Variants in VPS13B observed in about 807,000 individuals in gnomAD.
The protein encoded by VPS13B is vacuolar protein sorting 13 homolog B.
In VPS13B, 285 loss-of-function variants were observed where a neutral mutation model predicts 426.4. The ratio of observed to expected loss-of-function variants is 0.67; its 90% CI spans 0.61 to 0.74. The LOEUF is 0.74. Among genes scored for constraint, VPS13B ranks in the 30% least tolerant of loss-of-function variants. VPS13B has a pLI of 0.00. For synonymous variants in VPS13B, 1,676 were observed against 1,676.4 expected (o/e 1.00, Z 0.01); for missense variants, 4,537 against 4,782.6 (o/e 0.95, Z 1.51).
At chr8:99,372,067 C>T (rs915041021) in intron 19 of VPS13B, among the ~76,000 whole-genome samples, 5 of 151,786 alleles carry the variant, frequency 3.3e-5, no homozygotes, top group East Asian at 1.9e-4. Flanking sequence ...CTGGCTAACA[C>T]GGTGAAACCC....
At chr8:99,144,309 T>A (rs1363424805) in intron 13 of VPS13B, among the ~76,000 whole-genome samples, 1 of 151,416 alleles carries the variant, frequency 6.6e-6, no homozygotes. Flanking sequence ...TTGGGCAACA[T>A]GGCAAGACCC....
intron 19 of VPS13B, among the ~76,000 whole-genome samples, chr8:99,363,825 G>A (rs984704140): frequency 2.6e-5 from 4 of 152,136 alleles, no homozygotes; most frequent in Non-Finnish European, 5.9e-5. Context: ...TTTGTATCCT[G>A]CAGCTTTACT....
At chr8:99,511,559 T>C in intron 29 of VPS13B, 47 bp downstream of exon 29, 1 of 1,574,344 alleles carries the variant, frequency 6.4e-7, no homozygotes, top group Non-Finnish European at 8.6e-7. Context: ...AATTTTCTTC[T>C]AGAGACCTTA....
At chr8:99,814,463 A>G (rs936711455) in intron 44 of VPS13B, among the ~76,000 whole-genome samples, 31 of 152,202 alleles carry the variant, frequency 2.0e-4, no homozygotes, top group Admixed American at 6.5e-5. Flanking sequence ...CTCAGGTGGC[A>G]TTAAAGCTGT....
chr8:99,396,995 A>G (rs1339249006), intron 21 of VPS13B, among the ~76,000 whole-genome samples: 1 of 152,228 alleles, frequency 6.6e-6, no homozygotes, highest in African/African-American at 2.4e-5. Context: ...CTAGGTCTCC[A>G]AGAGAAGTAA....
chr8:99,697,400 G>C, intron 35 of VPS13B: 1 of 631,388 alleles, frequency 1.6e-6, no homozygotes, highest in Non-Finnish European at 2.8e-6. Flanking sequence ...AGACCCTGAA[G>C]GACACTGCCC....
intron 52 of VPS13B, among the ~76,000 whole-genome samples, 181 bp downstream of exon 52, chr8:99,832,833 C>T (rs939243285): frequency 3.3e-5 from 5 of 152,068 alleles, no homozygotes; most frequent in African/African-American, 4.8e-5. Flanking sequence ...TGGCTTGTCC[C>T]AGCATACTAC....
chr8:99,036,211 TTC>T (rs1205490350), intron 2 of VPS13B, among the ~76,000 whole-genome samples: 6 of 152,120 alleles, frequency 3.9e-5, no homozygotes, highest in Admixed American at 6.5e-5. Context: ...AGTATCCCTT[TTC>T]TCTGTTATTT....
Position 99,817,704 on chromosome 8 carries a change from T to G in VPS13B, c.8262T>G (p.Asn2754Lys). The change falls in exon 45 of 62, where the codon AAT (asparagine) becomes AAG (lysine). Residue 2754 changes from asparagine (N) to lysine (K), a missense_variant. By Grantham distance (94) the Asn-to-Lys change is moderately conservative. Transcript: ENST00000357162. Reference sequence around the variant, plus strand: ...TGCCTTCGTACATACTAGAAAACAATGAACTGACGGAGCTGTGTGTGAAGG... The same window carrying G: ...TGCCTTCGTACATACTAGAAAACAAGGAACTGACGGAGCTGTGTGTGAAGG... The part of the protein sequence containing the change: ...QKLPSYILEN[N>K]ELTELCVKAK... The G allele has an allele frequency of 1.2e-6, 2 of 1,614,012 alleles. No homozygotes were observed. Among genetic ancestry groups the G allele is most frequent in the Non-Finnish European group, 1.7e-6 (2 of 1,179,966 alleles).
chr8:99,782,961 A>G (rs190863115), intron 42 of VPS13B, among the ~76,000 whole-genome samples: 152 of 152,222 alleles, frequency 1.0e-3, no homozygotes, highest in African/African-American at 3.5e-3. Context: ...GAATAGATGG[A>G]TGATGTGAGA....
At chr8:99,721,933 A>C (rs925869251) in intron 39 of VPS13B, among the ~76,000 whole-genome samples, 1 of 152,230 alleles carries the variant, frequency 6.6e-6, no homozygotes, top group African/African-American at 2.4e-5. Flanking sequence ...CATTCTCCAA[A>C]TAGCAGCTAA....
At chr8:99,228,615 A>G (rs80325227) in intron 17 of VPS13B, among the ~76,000 whole-genome samples, 1,871 of 114,926 alleles carry the variant, frequency 0.016, 30 homozygotes, top group African/African-American at 0.058. Context: ...TATGTAATCC[A>G]TATAGTTTTA....
intron 39 of VPS13B, among the ~76,000 whole-genome samples, chr8:99,730,814 G>A (rs193113999): frequency 1.5e-3 from 225 of 151,846 alleles, no homozygotes; most frequent in Non-Finnish European, 2.8e-3. Flanking sequence ...CCTCCTGAAG[G>A]GTACCTGTAG....
intron 17 of VPS13B, among the ~76,000 whole-genome samples, chr8:99,249,528 G>T (rs527659211): frequency 6.7e-6 from 1 of 150,108 alleles, no homozygotes; most frequent in African/African-American, 2.5e-5. Context: ...GGTTCACGCC[G>T]TTCTCCTGCC....
At chr8:99,137,585 TG>T (rs1489589584) in intron 12 of VPS13B, among the ~76,000 whole-genome samples, 1 of 151,940 alleles carries the variant, frequency 6.6e-6, no homozygotes, top group Non-Finnish European at 1.5e-5. Flanking sequence ...TTCGCAGAGT[TG>T]ATCTTGAAGT....
At chr8:99,081,405 G>A (rs1466937877) in intron 3 of VPS13B, among the ~76,000 whole-genome samples, 2 of 151,474 alleles carry the variant, frequency 1.3e-5, no homozygotes, top group East Asian at 1.9e-4. Flanking sequence ...TCTTTTTATT[G>A]GAAATCTAAA....
chr8:99,723,773 T>G (rs1833223361), intron 39 of VPS13B, among the ~76,000 whole-genome samples: 1 of 152,170 alleles, frequency 6.6e-6, no homozygotes, highest in Non-Finnish European at 1.5e-5. Flanking sequence ...TGTTTCATAT[T>G]TTGTTGGAGA....
At chr8:99,863,504 C>A (rs1236175070) in intron 58 of VPS13B, among the ~76,000 whole-genome samples, 1 of 152,100 alleles carries the variant, frequency 6.6e-6, no homozygotes, top group Non-Finnish European at 1.5e-5. Context: ...GAGACCCACC[C>A]CTGGGCTGGC....
chr8:99,791,494 G>A (rs949298118), intron 43 of VPS13B, among the ~76,000 whole-genome samples: 1 of 152,090 alleles, frequency 6.6e-6, no homozygotes, highest in Non-Finnish European at 1.5e-5. Flanking sequence ...GTAGAGGAAT[G>A]CCAGGATCAC....
Sources: gnomAD v4.1 joint callset for allele counts (sites outside exome capture counted in the v4.1 genomes callset) on GRCh38, gnomAD v4.1.1 for gene constraint, MANE v1.5 for transcripts, NCBI Gene and HGNC (gene_info 2026-07-23, HGNC 2026-07-21) for gene names.